The following SIPA1L1 variants were observed in gnomAD, a reference collection of about 807,000 sequenced individuals.
The protein encoded by SIPA1L1 is signal-induced proliferation-associated 1-like protein 1.
SIPA1L1 carries 26 observed loss-of-function variants against 162.7 expected under a neutral mutation model. The observed-to-expected ratio is 0.16, with a 90% CI of 0.12 to 0.22. The LOEUF is 0.22. Among genes scored for constraint, SIPA1L1 ranks in the 10% least tolerant of loss-of-function variants. SIPA1L1 has a pLI of 1.00. For missense variants in SIPA1L1, 1,874 were observed against 2,241.0 expected, an observed-to-expected ratio of 0.84 and a Z score of 3.31; for synonymous variants, 829 against 837.4, an observed-to-expected ratio of 0.99 and a Z score of 0.17.
chr14:71,615,055 C>A (rs2038675810), intron 5 of SIPA1L1, among the ~76,000 whole-genome samples: 1 of 151,870 alleles, frequency 6.6e-6, no homozygotes, highest in Admixed American at 6.6e-5. Flanking sequence ...TATCAATATC[C>A]AAAGTAAACA....
At chr14:71,724,954 A>G in intron 19 of SIPA1L1, 119 bp downstream of exon 19, 1 of 833,004 alleles carries the variant, frequency 1.2e-6, no homozygotes, top group South Asian at 1.7e-5. Context: ...ACTAAGTCTC[A>G]CTTCCTGCTA....
At chr14:71,662,807 G>A (rs891482313) in intron 10 of SIPA1L1, among the ~76,000 whole-genome samples, 3 of 152,230 alleles carry the variant, frequency 2.0e-5, no homozygotes. Context: ...TGGTGTCTGA[G>A]AGCTGCTCTG....
intron 9 of SIPA1L1, among the ~76,000 whole-genome samples, 162 bp downstream of exon 9, chr14:71,658,598 A>C (rs560223780): frequency 2.5e-4 from 38 of 152,372 alleles, no homozygotes; most frequent in Admixed American, 2.4e-3. Flanking sequence ...AAATGAACTG[A>C]AAACAAATGA....
chr14:71,347,137 T>C (rs1022742820), intron 2 of SIPA1L1, among the ~76,000 whole-genome samples: 4 of 151,762 alleles, frequency 2.6e-5, no homozygotes, highest in African/African-American at 7.3e-5. Flanking sequence ...TTTTTCGTAT[T>C]TTTAGTAGAG....
intron 2 of SIPA1L1, among the ~76,000 whole-genome samples, chr14:71,348,039 CAG>C (rs2036336479): frequency 6.6e-6 from 1 of 152,070 alleles, no homozygotes; most frequent in South Asian, 2.1e-4. Context: ...ATATTTTAGA[CAG>C]AGTATACCTA....
At chr14:71,542,734 T>TCC (rs1313810194) in intron 4 of SIPA1L1, among the ~76,000 whole-genome samples, 2 of 138,358 alleles carry the variant, frequency 1.4e-5, no homozygotes, top group African/African-American at 5.2e-5. Flanking sequence ...CTCCTCCTCC[T>TCC]TCTTCTCTCT....
intron 16 of SIPA1L1, among the ~76,000 whole-genome samples, chr14:71,708,015 G>GTTTTTTTTTTTTTT (rs34838057): frequency 1.0e-5 from 1 of 100,302 alleles, no homozygotes; most frequent in African/African-American, 3.9e-5. Context: ...GTTTTTTGGT[G>GTTTTTTTTTTTTTT]TTTTTTTTTT....
intron 4 of SIPA1L1, among the ~76,000 whole-genome samples, chr14:71,543,948 T>C (rs28852403): frequency 0.14 from 21,030 of 148,932 alleles, 1,855 homozygotes; most frequent in East Asian, 0.41. Context: ...TATATATACA[T>C]ATACGCACAT....
intron 2 of SIPA1L1, among the ~76,000 whole-genome samples, chr14:71,425,813 T>G (rs1438980886): frequency 1.3e-5 from 2 of 151,634 alleles, no homozygotes; most frequent in Admixed American, 6.6e-5. Flanking sequence ...CTCCAACTAT[T>G]ATTGTAGAAT....
chr14:71,736,808 A>G (rs146155992), intron 22 of SIPA1L1, among the ~76,000 whole-genome samples: 2 of 152,342 alleles, frequency 1.3e-5, no homozygotes, highest in East Asian at 3.9e-4. Flanking sequence ...GATGAGGGTG[A>G]TGACAGGCTC....
At chr14:71,422,337 A>G (rs187753100) in intron 2 of SIPA1L1, among the ~76,000 whole-genome samples, 4 of 152,342 alleles carry the variant, frequency 2.6e-5, no homozygotes, top group Admixed American at 1.3e-4. Flanking sequence ...AATACATATA[A>G]CATCTTAACC....
At chr14:71,481,319 A>G (rs2048335899) in intron 2 of SIPA1L1, among the ~76,000 whole-genome samples, 1 of 152,152 alleles carries the variant, frequency 6.6e-6, no homozygotes, top group Admixed American at 6.5e-5. Flanking sequence ...CCTCTACAAA[A>G]AATACAAAAA....
At chr14:71,459,963 A>G (rs559506990) in intron 2 of SIPA1L1, among the ~76,000 whole-genome samples, 30 of 152,338 alleles carry the variant, frequency 2.0e-4, no homozygotes, top group Non-Finnish European at 3.4e-4. Flanking sequence ...ACATAATACA[A>G]CTGTCTTTTG....
chr14:71,651,106 C>G (rs1314969474), intron 8 of SIPA1L1, among the ~76,000 whole-genome samples: 1 of 152,094 alleles, frequency 6.6e-6, no homozygotes, highest in Non-Finnish European at 1.5e-5. Context: ...GTGCATGAAC[C>G]TAAAAGGTTG....
At chr14:71,686,397 G>C in intron 13 of SIPA1L1, among the ~76,000 whole-genome samples, 1 of 152,140 alleles carries the variant, frequency 6.6e-6, no homozygotes, top group Non-Finnish European at 1.5e-5. Context: ...ACTAGATTAA[G>C]TGCTTTCAAA....
At chr14:71,430,645 T>C (rs1475918540) in intron 2 of SIPA1L1, among the ~76,000 whole-genome samples, 1 of 152,226 alleles carries the variant, frequency 6.6e-6, no homozygotes, top group Admixed American at 6.5e-5. Context: ...TGAGGCTGAG[T>C]GTCACATAAT....
Position 71,702,578 on chromosome 14 carries a change from C to T in SIPA1L1, c.3646+73C>T. On this transcript the variant is annotated intron_variant, in intron 15 of 23. Coordinates refer to ENST00000381232, the MANE Select transcript of SIPA1L1 (RefSeq NM_001386936.1). ...TTAGGTCACCTCTTGATGATGTTATCAAAACATTGTTATAAAAGGTAGCCC... is the reference window on the plus strand; with the variant it reads ...TTAGGTCACCTCTTGATGATGTTATTAAAACATTGTTATAAAAGGTAGCCC... 3.0e-6 allele frequency: 4 copies of T among 1,336,218 alleles called. No individual in the cohort carries two copies. The Middle Eastern group carries it at 5.6e-4, about 186-fold the overall frequency. 82.8% of individuals were successfully genotyped at this position (1,336,218 alleles called of 1,614,324 possible). A position where few individuals can be genotyped will look rare whatever the true frequency, so the allele number is the denominator to read the frequency against.
At chr14:71,731,002 G>A (rs2084714990) in intron 20 of SIPA1L1, among the ~76,000 whole-genome samples, 1 of 152,136 alleles carries the variant, frequency 6.6e-6, no homozygotes, top group African/African-American at 2.4e-5. Context: ...CTGTGGCCCA[G>A]CACAGCAGAT....
intron 2 of SIPA1L1, among the ~76,000 whole-genome samples, chr14:71,451,057 A>G (rs1030173833): frequency 6.6e-6 from 1 of 152,184 alleles, no homozygotes; most frequent in African/African-American, 2.4e-5. Flanking sequence ...TACACAATGG[A>G]ATACTGTATA....
Sources: gnomAD v4.1 joint callset for allele counts (sites outside exome capture counted in the v4.1 genomes callset) on GRCh38, gnomAD v4.1.1 for gene constraint, MANE v1.5 for transcripts, NCBI Gene and HGNC (gene_info 2026-07-23, HGNC 2026-07-21) for gene names.